Variants in CDH15 observed in about 807,000 individuals in gnomAD.
The protein encoded by CDH15 is cadherin-15.
In CDH15, 73 loss-of-function variants were observed where a neutral mutation model predicts 69.4. That is an observed-to-expected ratio of 1.05 (90% confidence interval 0.87 to 1.28). The LOEUF (loss-of-function observed/expected upper bound fraction) is 1.28. Among genes scored for constraint, CDH15 ranks in the 50% most tolerant of loss-of-function variants. The pLI, the probability that CDH15 is intolerant of heterozygous loss-of-function variation, is 0.00. For synonymous variants in CDH15, 624 were observed against 507.7 expected (o/e 1.23, Z -3.08); for missense variants, 1,343 against 1,133.6 (o/e 1.18, Z -2.65).
chr16:89,175,065 C>T (rs1208139442), intron 1 of CDH15, among the ~76,000 whole-genome samples: 1 of 152,198 alleles, frequency 6.6e-6, no homozygotes, highest in Non-Finnish European at 1.5e-5. Context: ...CCACATTGGC[C>T]GTGATCTGGG....
rs370979446 is a variant in CDH15, at chr16:89,195,053, G to A, written c.2343G>A (p.Gly781=). ...PRFARLADMY[G]HPCGLEYGAR... Reference sequence around the variant, plus strand: ...TCGCCCGGCTGGCAGACATGTATGGGCACCCGTGCGGGTTGGAGTACGGGG... The same window carrying A: ...TCGCCCGGCTGGCAGACATGTATGGACACCCGTGCGGGTTGGAGTACGGGG... Residue 781 remains glycine, a synonymous_variant, in exon 14 of 14, where the codon GGG becomes GGA. Transcript: ENST00000289746. 2.0e-5 allele frequency: 33 copies of A among 1,612,540 alleles called. No homozygotes were observed. In the African/African-American group the frequency reaches 4.3e-4, roughly 21 times the overall value.
intron 1 of CDH15, among the ~76,000 whole-genome samples, chr16:89,178,675 C>A (rs1255131892): frequency 6.6e-6 from 1 of 152,212 alleles, no homozygotes; most frequent in Non-Finnish European, 1.5e-5. Flanking sequence ...GCAGCAGCTG[C>A]AGGCCGGTTC....
rs763579526 is a variant in CDH15 at position 89,192,221 on chromosome 16, G to A, written c.1632G>A (p.Leu544=). The change falls in exon 11 of 14, where the codon CTG becomes CTA. Residue 544 remains leucine, a synonymous_variant. Transcript: ENST00000289746. The stretch of plus-strand genomic sequence containing the variant: ...CCTCCGCAGTGAGCCACGCGCGCCT[G>A]CGGCCGCGACACCAGGTCCCCGAAG... ...LSQVNVSHAR[L]RPRHQVPEGL... 3.3e-6 allele frequency: 5 copies of A among 1,529,176 alleles called. No individual in the cohort carries two copies. In the South Asian group the frequency reaches 6.0e-5, roughly 18 times the overall value. 94.7% of individuals were successfully genotyped at this position (1,529,176 alleles called of 1,614,324 possible). A position where few individuals can be genotyped will look rare whatever the true frequency, so the allele number is the denominator to read the frequency against.
At chr16:89,175,131 G>A (rs1180427100) in intron 1 of CDH15, among the ~76,000 whole-genome samples, 1 of 152,182 alleles carries the variant, frequency 6.6e-6, no homozygotes, top group Non-Finnish European at 1.5e-5. Context: ...CTCAGGCTGT[G>A]GACAGGCCTG....
chr16:89,183,734 G>A (rs1188275404), intron 4 of CDH15, 42 bp downstream of exon 4: 2 of 1,555,394 alleles, frequency 1.3e-6, no homozygotes, highest in Non-Finnish European at 1.7e-6. Context: ...GGGCTGCAAG[G>A]AAGGGCTCTG....
intron 4 of CDH15, among the ~76,000 whole-genome samples, chr16:89,184,572 G>A (rs555547972): frequency 3.4e-4 from 52 of 152,308 alleles, no homozygotes; most frequent in South Asian, 1.4e-3. Context: ...CTCGGCTGTC[G>A]TGTGTCCTGC....
At chr16:89,187,999 G>T (rs1915527263) in intron 6 of CDH15, 101 bp from the exon 7 acceptor site, 2 of 1,042,370 alleles carry the variant, frequency 1.9e-6, no homozygotes, top group African/African-American at 3.2e-5. Flanking sequence ...TGGGAGGCAG[G>T]AGGGAGGGTG....
intron 1 of CDH15, 87 bp from the exon 2 acceptor site, chr16:89,179,329 C>T: frequency 6.6e-7 from 1 of 1,514,836 alleles, no homozygotes; most frequent in Non-Finnish European, 9.1e-7. Context: ...GCCCCGTGGC[C>T]TCCTCACCAC....
chr16:89,184,876 G>T (rs903610642), intron 4 of CDH15, among the ~76,000 whole-genome samples: 1 of 152,230 alleles, frequency 6.6e-6, no homozygotes, highest in Non-Finnish European at 1.5e-5. Flanking sequence ...CGCATCCAAT[G>T]CTCCTGTGCT....
chr16:89,189,890 G>A (rs1567775501), intron 7 of CDH15, among the ~76,000 whole-genome samples: 1 of 152,218 alleles, frequency 6.6e-6, no homozygotes, highest in East Asian at 1.9e-4. Context: ...TGCTCTCAAA[G>A]CCTTCACCTG....
Position 89,193,524 on chromosome 16 carries a change from A to G in CDH15, c.1910A>G (p.Lys637Arg). 1 of 1,611,902 alleles carries G rather than the reference A, an allele frequency of 6.2e-7. No homozygotes were observed. Among genetic ancestry groups the G allele is most frequent in the South Asian group, 1.1e-5 (1 of 90,964 alleles). ...RARFWKQSRG[K>R]GLLHGPQDDL... ...CGGTTCTGGAAGCAGTCTCGGGGCA[A>G]GGGGCTGCTGCACGGCCCCCAGGAC... is the stretch of plus-strand genomic sequence containing the variant. Residue 637 changes from lysine to arginine, a missense_variant, in exon 12 of 14, where the codon AAG becomes AGG. Coordinates refer to ENST00000289746, the MANE Select transcript of CDH15 (RefSeq NM_004933.3).
intron 6 of CDH15, 70 bp downstream of exon 6, chr16:89,187,627 G>T: frequency 6.3e-7 from 1 of 1,593,998 alleles, no homozygotes; most frequent in Non-Finnish European, 8.6e-7. Context: ...GGCTCCTGCA[G>T]AAGGCAGCGG....
Position 89,195,188 on chromosome 16 carries a change from G to A in CDH15, c.*33G>A, listed in dbSNP as rs181088309. 122 of 1,540,926 alleles carry A rather than the reference G, an allele frequency of 7.9e-5. 1 individual carries two copies. In the African/African-American group the frequency reaches 1.4e-3, roughly 18 times the overall value. On this transcript the variant is annotated 3_prime_UTR_variant, in exon 14 of 14. Transcript: ENST00000289746. ...GCGCAACTGGACATGCCACTCCCCG[G>A]CCTCGTGGCAGTGATGGCCCCTGCA...
chr16:89,195,074 C>T lies in CDH15; in HGVS notation c.2364C>T (p.Tyr788=), dbSNP rs2270416. Reference sequence around the variant, plus strand: ...ATGGGCACCCGTGCGGGTTGGAGTACGGGGCCAGATGGGACCACCAGGCCA... The same window carrying T: ...ATGGGCACCCGTGCGGGTTGGAGTATGGGGCCAGATGGGACCACCAGGCCA... ...DMYGHPCGLE[Y]GARWDHQARE... is the part of the protein sequence containing the mutation. Residue 788 remains tyrosine, a synonymous_variant, in exon 14 of 14, where the codon TAC becomes TAT. Coordinates refer to ENST00000289746, the MANE Select transcript of CDH15 (RefSeq NM_004933.3). 5.5e-5 allele frequency: 88 copies of T among 1,612,182 alleles called. No homozygotes were observed. Among genetic ancestry groups the T allele is most frequent in the Non-Finnish European group, 6.4e-5 (76 of 1,179,766 alleles).
intron 1 of CDH15, 97 bp from the exon 2 acceptor site, chr16:89,179,319 G>T: frequency 7.1e-7 from 1 of 1,402,592 alleles, no homozygotes; most frequent in South Asian, 1.2e-5. Context: ...GAAACACTGC[G>T]CCCCGTGGCC....
At chr16:89,193,222 C>T (rs1050194398) in intron 11 of CDH15, among the ~76,000 whole-genome samples, 17 of 132,452 alleles carry the variant, frequency 1.3e-4, no homozygotes, top group African/African-American at 4.2e-4. Flanking sequence ...TTCCCCAAGC[C>T]GGCCTCTCCT....
chr16:89,185,214 C>G lies in CDH15; in HGVS notation c.544C>G (p.Pro182Ala). Reference protein sequence around the residue: ...TRAEATDADDPETDNAALRFS... With the variant: ...TRAEATDADDAETDNAALRFS... ...GGCAGAGGCCACAGATGCCGACGAC[C>G]CCGAGACGGACAACGCAGCGCTGCG... is the stretch of plus-strand genomic sequence containing the variant. Residue 182 changes from proline to alanine, a missense_variant, in exon 5 of 14, where the codon CCC becomes GCC. Coordinates refer to ENST00000289746, the MANE Select transcript of CDH15 (RefSeq NM_004933.3). The G allele has an allele frequency of 6.2e-7, 1 of 1,604,314 alleles. No homozygotes were observed.
intron 7 of CDH15, 43 bp from the exon 8 acceptor site, chr16:89,190,200 C>T (rs972485705): frequency 9.4e-6 from 15 of 1,602,508 alleles, no homozygotes; most frequent in Non-Finnish European, 1.1e-5. Flanking sequence ...CGGGTGCCCA[C>T]ACTTGCGTTG....
intron 11 of CDH15, among the ~76,000 whole-genome samples, chr16:89,193,259 C>T (rs1213174557): frequency 7.1e-6 from 1 of 139,994 alleles, no homozygotes; most frequent in South Asian, 2.4e-4. Flanking sequence ...TCCTCCACAA[C>T]CCGGCCCCCT....
Sources: allele counts gnomAD v4.1 joint callset (sites outside exome capture counted in the v4.1 genomes callset), GRCh38; gene constraint gnomAD v4.1.1; transcripts MANE v1.5; gene names NCBI Gene and HGNC (gene_info 2026-07-23, HGNC 2026-07-21).